CDC42BPB: variants seen among roughly 807,000 people sequenced by gnomAD.
The protein encoded by CDC42BPB is CDC42 binding protein kinase beta.
Under a neutral mutation model 214.9 loss-of-function variants are expected in CDC42BPB, and 37 were observed. The ratio of observed to expected loss-of-function variants is 0.17; its 90% CI spans 0.13 to 0.23. The LOEUF is 0.23. CDC42BPB is among the 10% of genes least tolerant of loss of function. CDC42BPB has a pLI of 1.00. For synonymous variants in CDC42BPB, 931 were observed against 884.0 expected (o/e 1.05, Z -0.94); for missense variants, 1,694 against 2,227.0 (o/e 0.76, Z 4.82).
intron 5 of CDC42BPB, among the ~76,000 whole-genome samples, chr14:102,987,960 C>T (rs1894324074): frequency 6.6e-6 from 1 of 151,760 alleles, no homozygotes; most frequent in South Asian, 2.1e-4. Context: ...GGCGACAGAG[C>T]AAGACCCTGT....
Position 103,004,465 on chromosome 14 carries a change from C to T in CDC42BPB, c.352-442G>A, listed in dbSNP as rs563567981. The stretch of plus-strand genomic sequence containing the variant: ...CTGTGCAGCTGGCAGAAGGCGCACA[C>T]GTTTGCTGAAATCACAGTATAGTGA... On this transcript the variant is annotated intron_variant, in intron 3 of 36. Transcript: ENST00000361246. The surrounding 1 kb of genome is among the most constrained non-coding windows in gnomAD (Gnocchi z 5.3). Among the ~76,000 whole-genome samples, 4 of 152,330 alleles carry T rather than the reference C, an allele frequency of 2.6e-5. No individual in the cohort carries two copies. Among genetic ancestry groups the T allele is most frequent in the South Asian group, 4.1e-4 (2 of 4,824 alleles).
intron 4 of CDC42BPB, 38 bp from the exon 5 acceptor site, chr14:102,999,751 T>G: frequency 6.2e-7 from 1 of 1,613,094 alleles, no homozygotes; most frequent in East Asian, 2.2e-5. Context: ...AATACCACAT[T>G]TAGTCACCAC....
intron 29 of CDC42BPB, 127 bp downstream of exon 29, chr14:102,945,535 G>T: frequency 1.3e-6 from 1 of 766,890 alleles, no homozygotes; most frequent in Non-Finnish European, 2.2e-6. Context: ...TTCACGGCAC[G>T]CTGGCCCCTC....
chr14:102,941,824 G>A (rs1891903515), intron 30 of CDC42BPB, among the ~76,000 whole-genome samples: 1 of 152,236 alleles, frequency 6.6e-6, no homozygotes, highest in Non-Finnish European at 1.5e-5. Context: ...GGGATGGGGA[G>A]GGGCAGGGGA....
At chr14:102,963,182 G>A (rs1180430531) in intron 19 of CDC42BPB, 27 bp from the exon 20 acceptor site, 1 of 1,566,422 alleles carries the variant, frequency 6.4e-7, no homozygotes, top group East Asian at 2.2e-5. Context: ...ATGGCTTTAA[G>A]TGCACTGAGA....
intron 5 of CDC42BPB, among the ~76,000 whole-genome samples, chr14:102,990,336 G>A (rs556953300): frequency 1.3e-4 from 20 of 152,202 alleles, no homozygotes; most frequent in Non-Finnish European, 2.5e-4. Flanking sequence ...CAATGAGATG[G>A]GGGAGAACCG....
At chr14:102,942,136 T>C (rs1411049081) in intron 30 of CDC42BPB, among the ~76,000 whole-genome samples, 1 of 151,888 alleles carries the variant, frequency 6.6e-6, no homozygotes, top group Non-Finnish European at 1.5e-5. Flanking sequence ...GGACAGGGTG[T>C]TGGGGGGTAA....
intron 1 of CDC42BPB, among the ~76,000 whole-genome samples, chr14:103,054,558 G>C (rs1264732687): frequency 1.3e-5 from 2 of 152,110 alleles, no homozygotes; most frequent in African/African-American, 4.8e-5. Flanking sequence ...GCAATTCCAA[G>C]CAACATTAAA....
chr14:102,955,479 G>T (rs895357097), intron 21 of CDC42BPB, among the ~76,000 whole-genome samples: 1 of 152,176 alleles, frequency 6.6e-6, no homozygotes, highest in African/African-American at 2.4e-5. Context: ...TCATTTCAAG[G>T]ATCAAGAAGA....
chr14:102,944,350 T>A lies in CDC42BPB; in HGVS notation c.3949A>T (p.Ser1317Cys), dbSNP rs1566843791. The change falls in exon 30 of 37, where the codon AGC (serine) becomes TGC (cysteine). Residue 1317 changes from serine to cysteine, a missense_variant. Physicochemically the swap from Ser to Cys is moderately radical, Grantham distance 112. This residue lies in a region of CDC42BPB where 567 missense variants were observed against 790.3 expected (regional missense o/e 0.72). Transcript: ENST00000361246. This position sits in a 1 kb window ranked among gnomAD's most constrained non-coding sequence, Gnocchi z 6.6. ...PWSSLDGAEGSFDIKLPETKG... is the reference protein window; with the variant it reads ...PWSSLDGAEGCFDIKLPETKG... ...GTTTCCGGAAGCTTGATGTCAAAGC[T>A]GCCTTCCGCTCCATCAAGGGACGAC... 1.2e-6 allele frequency: 2 copies of A among 1,613,184 alleles called. No individual in the cohort carries two copies. Among genetic ancestry groups the A allele is most frequent in the East Asian group, 4.5e-5 (2 of 44,884 alleles).
At chr14:103,053,203 C>T (rs2139792361) in intron 1 of CDC42BPB, among the ~76,000 whole-genome samples, 1 of 151,816 alleles carries the variant, frequency 6.6e-6, no homozygotes, top group Admixed American at 6.6e-5. Flanking sequence ...CAAAAATTAG[C>T]CAGGCGTGGT....
chr14:103,029,762 C>G (rs187395745), intron 1 of CDC42BPB, among the ~76,000 whole-genome samples: 2,354 of 141,754 alleles, frequency 0.017, 29 homozygotes, highest in South Asian at 0.055. Context: ...CGGAGGCTGA[C>G]GCAGGAGAAT....
intron 36 of CDC42BPB, 125 bp from the exon 37 acceptor site, chr14:102,933,968 T>A: frequency 7.1e-7 from 1 of 1,411,284 alleles, no homozygotes; most frequent in Non-Finnish European, 9.1e-7. Flanking sequence ...CTTCATGTTA[T>A]GAAAACACAC....
intron 21 of CDC42BPB, among the ~76,000 whole-genome samples, 179 bp downstream of exon 21, chr14:102,959,452 G>A (rs1277924777): frequency 6.6e-6 from 1 of 152,124 alleles, no homozygotes; most frequent in East Asian, 1.9e-4. Flanking sequence ...GTCACCTGAT[G>A]CGTTTAATGT....
At position 102,943,677 on chromosome 14, in the gene CDC42BPB, G is replaced by A; in HGVS notation, c.4408+214C>T. The stretch of plus-strand genomic sequence containing the variant: ...TGGAAGAACCGGCCCCATGTGCTCA[G>A]GGAGAGAGGTTGCTGAGCCCGCCTA... On this transcript the variant is annotated intron_variant, in intron 30 of 36. Coordinates refer to ENST00000361246, the MANE Select transcript of CDC42BPB (RefSeq NM_006035.4). The surrounding 1 kb of genome is among the most constrained non-coding windows in gnomAD (Gnocchi z 4.6). The A allele has an allele frequency of 1.8e-6, 1 of 566,282 alleles. No individual in the cohort carries two copies. Among genetic ancestry groups the A allele is most frequent in the Admixed American group, 3.3e-5 (1 of 30,690 alleles). The allele number at this position is 566,282 out of a possible 1,614,324, so 35.1% of individuals were successfully genotyped here.
chr14:103,003,904 C>T (rs371638669), intron 4 of CDC42BPB, 24 bp downstream of exon 4: 4 of 1,581,852 alleles, frequency 2.5e-6, no homozygotes, highest in South Asian at 1.1e-5. Context: ...ATGCCCTGAC[C>T]GAGTCTCTGG....
At chr14:103,029,196 G>A (rs1011887812) in intron 1 of CDC42BPB, among the ~76,000 whole-genome samples, 1 of 152,164 alleles carries the variant, frequency 6.6e-6, no homozygotes, top group African/African-American at 2.4e-5. Context: ...GTCTCTGGAA[G>A]AAAAAATACT....
At chr14:102,999,769 G>C in intron 4 of CDC42BPB, 56 bp from the exon 5 acceptor site, 1 of 1,601,716 alleles carries the variant, frequency 6.2e-7, no homozygotes, top group South Asian at 1.1e-5. Flanking sequence ...CACTAAACCT[G>C]ACAGTTACAG....
In CDC42BPB at chr14:102,967,048, C is replaced by T; in HGVS notation, c.2469G>A (p.Gln823=). The change falls in exon 17 of 37, where the codon CAG becomes CAA. Residue 823 remains glutamine (Q), a splice_region_variant and synonymous_variant. Coordinates refer to ENST00000361246, the MANE Select transcript of CDC42BPB (RefSeq NM_006035.4). ...HWEAQIAEII[Q]WVSDEKDARG... ...CGCTAATGGGGCCGCGCACGTACCA[C>T]TGAATGATTTCCGCAATCTGAGCTT... The T allele has an allele frequency of 6.2e-7, 1 of 1,613,934 alleles. No homozygotes were observed. Among genetic ancestry groups the T allele is most frequent in the South Asian group, 1.1e-5 (1 of 91,078 alleles).
Sources: allele counts gnomAD v4.1 joint callset (sites outside exome capture counted in the v4.1 genomes callset), GRCh38; gene constraint gnomAD v4.1.1; regional missense constraint gnomAD v4.1.1; non-coding constraint Gnocchi (gnomAD v3.1); transcripts MANE v1.5; gene names NCBI Gene and HGNC (gene_info 2026-07-23, HGNC 2026-07-21).